The following NFX1 variants were observed in gnomAD, a reference collection of about 807,000 sequenced individuals.
NFX1 encodes transcriptional repressor NF-X1.
In NFX1, 69 loss-of-function variants were observed where a neutral mutation model predicts 137.2. The ratio of observed to expected loss-of-function variants is 0.50; its 90% confidence interval spans 0.41 to 0.61. The LOEUF is 0.61. Among genes scored for constraint, NFX1 ranks in the 20% least tolerant of loss-of-function variants. NFX1 has a pLI of 0.00. For synonymous variants in NFX1, 495 were observed against 474.1 expected (o/e 1.04, Z -0.57); for missense variants, 1,167 against 1,391.0 (o/e 0.84, Z 2.56).
At position 33,346,182 on chromosome 9, in the gene NFX1, T is replaced by TAG. The variant is rs758438685; in HGVS notation, c.2345-855_2345-854insGA. Among the ~76,000 whole-genome samples, 155 of 152,306 alleles carry TAG rather than the reference T, an allele frequency of 1.0e-3. 2 individuals carry two copies. The highest frequency in any genetic ancestry group is 1.7e-3 in the Non-Finnish European group (116 of 68,024). ...CTGTGGCATTCATACCAGCATGAAG[T>TAG]ACATGCCCAGGCCAGTCCCCACCGA... On this transcript the variant is annotated intron_variant, in intron 14 of 23. Coordinates refer to ENST00000379540, the MANE Select transcript of NFX1 (RefSeq NM_002504.6).
At chr9:33,367,436 A>G in intron 22 of NFX1, 79 bp from the exon 23 acceptor site, 1 of 1,459,456 alleles carries the variant, frequency 6.9e-7, no homozygotes. Context: ...GCCAAAATCA[A>G]GGGCTGAGTT....
In NFX1 at chr9:33,338,607, G is replaced by T. The variant is rs200393697; in HGVS notation, c.2115+18G>T. ...GCTGTGTGGTAAGTGGACTTATTAG[G>T]CATAATCAGATTCCATTCATCCAGG... On this transcript the variant is annotated intron_variant, in intron 12 of 23. Coordinates refer to ENST00000379540, the MANE Select transcript of NFX1 (RefSeq NM_002504.6). The T allele has an allele frequency of 4.9e-5, 77 of 1,566,880 alleles. 1 individual carries two copies. The Middle Eastern group carries it at 4.3e-3, about 88-fold the overall frequency.
intron 9 of NFX1, among the ~76,000 whole-genome samples, chr9:33,324,865 G>T (rs982694428): frequency 1.3e-4 from 19 of 151,144 alleles, no homozygotes; most frequent in Non-Finnish European, 2.7e-4. Flanking sequence ...GGAGGCGGAG[G>T]TTGCAGTGAG....
intron 23 of NFX1, among the ~76,000 whole-genome samples, chr9:33,369,059 CTTTTTTCT>C (rs1420313405): frequency 6.6e-6 from 1 of 151,984 alleles, no homozygotes; most frequent in Non-Finnish European, 1.5e-5. Flanking sequence ...CCCATGCTAT[CTTTTTTCT>C]TTTTTTCTTT....
chr9:33,354,861 G>T lies in NFX1; in HGVS notation c.2842G>T (p.Asp948Tyr). 6.2e-7 allele frequency: 1 copy of T among 1,613,944 alleles called. No homozygotes were observed. The highest frequency in any genetic ancestry group is 8.5e-7 in the Non-Finnish European group (1 of 1,179,940). ...CATTTGCTTATCAAGGCTGGAGTGT[G>T]ATGAGGAGTGTTCAGCCTTGGAAAG... ...KEVHQARLEC[D>Y]EECSALERKK... is the part of the protein sequence containing the mutation. Residue 948 changes from aspartate to tyrosine, a missense_variant, in exon 19 of 24, where the codon GAT (aspartate) becomes TAT (tyrosine). Coordinates refer to ENST00000379540, the MANE Select transcript of NFX1 (RefSeq NM_002504.6).
chr9:33,292,635 G>A (rs375688180), intron 1 of NFX1, among the ~76,000 whole-genome samples: 15 of 152,270 alleles, frequency 9.9e-5, no homozygotes, highest in African/African-American at 3.4e-4. Context: ...CCTTCCTCAT[G>A]TCTCTTATGG....
chr9:33,366,149 G>GA (rs1490901985), intron 21 of NFX1: 1 of 154,546 alleles, frequency 6.5e-6, no homozygotes, highest in Non-Finnish European at 1.4e-5. Context: ...ACATGAAGGA[G>GA]AAAATGGAAT....
chr9:33,332,632 T>C, intron 11 of NFX1, 130 bp downstream of exon 11: 1 of 608,656 alleles, frequency 1.6e-6, no homozygotes, highest in Non-Finnish European at 2.9e-6. Flanking sequence ...GGTATAACTT[T>C]CACCTCAAAA....
intron 19 of NFX1, among the ~76,000 whole-genome samples, chr9:33,356,868 G>C (rs989756180): frequency 7.9e-5 from 12 of 151,900 alleles, no homozygotes; most frequent in Non-Finnish European, 1.0e-4. Flanking sequence ...GTGCACACCT[G>C]TAGTCCCAGC....
At chr9:33,334,296 G>C (rs973262806) in intron 11 of NFX1, among the ~76,000 whole-genome samples, 1 of 152,040 alleles carries the variant, frequency 6.6e-6, no homozygotes, top group Non-Finnish European at 1.5e-5. Flanking sequence ...CTTTGCAAAA[G>C]AATTTTTAAA....
At chr9:33,369,315 G>A (rs1238668016) in intron 23 of NFX1, among the ~76,000 whole-genome samples, 1 of 152,042 alleles carries the variant, frequency 6.6e-6, no homozygotes, top group East Asian at 1.9e-4. Flanking sequence ...CGTCCGCCTT[G>A]GCCTCCCAAA....
chr9:33,331,620 G>T (rs1822808695), intron 10 of NFX1, among the ~76,000 whole-genome samples: 1 of 150,838 alleles, frequency 6.6e-6, no homozygotes. Flanking sequence ...TTTTTTATCT[G>T]AAATGTATAT....
intron 2 of NFX1, among the ~76,000 whole-genome samples, chr9:33,299,609 G>C (rs918013660): frequency 1.3e-5 from 2 of 152,122 alleles, no homozygotes; most frequent in East Asian, 3.9e-4. Flanking sequence ...GATCGCTTGG[G>C]CCCAGGAGTT....
chr9:33,295,212 G>A lies in NFX1; in HGVS notation c.818G>A (p.Gly273Glu). Residue 273 changes from glycine (G) to glutamate (E), a missense_variant, in exon 2 of 24, where the codon GGA becomes GAA. Gly to Glu is a moderately conservative substitution (Grantham distance 98). This residue lies in a region of NFX1 where 367 missense variants were observed against 386.7 expected (regional missense o/e 0.95). Coordinates refer to ENST00000379540, the MANE Select transcript of NFX1 (RefSeq NM_002504.6). ...GAGGGCCACCGACATACAAACGCAG[G>A]ACACAGAAACAACATGGGCCCCATT... ...KQEGHRHTNA[G>E]HRNNMGPIPK... The A allele has an allele frequency of 1.2e-6, 2 of 1,614,102 alleles. No individual in the cohort carries two copies. The highest frequency in any genetic ancestry group is 1.7e-6 in the Non-Finnish European group (2 of 1,180,026).
intron 5 of NFX1, among the ~76,000 whole-genome samples, chr9:33,310,223 A>G (rs544555881): frequency 7.0e-4 from 106 of 152,284 alleles, no homozygotes; most frequent in African/African-American, 2.4e-3. Flanking sequence ...TTTACAGCAA[A>G]TTCTGTTACC....
intron 7 of NFX1, among the ~76,000 whole-genome samples, chr9:33,316,107 T>G (rs1363803998): frequency 6.6e-6 from 1 of 152,200 alleles, no homozygotes; most frequent in Non-Finnish European, 1.5e-5. Context: ...CATCACCTAT[T>G]GTGAATCCTG....
chr9:33,325,429 C>T (rs1244640601), intron 9 of NFX1, among the ~76,000 whole-genome samples: 2 of 151,990 alleles, frequency 1.3e-5, no homozygotes, highest in African/African-American at 4.8e-5. Context: ...TTTGAGAGGC[C>T]GAGGCGGGTG....
At chr9:33,300,773 A>C (rs553211521) in intron 2 of NFX1, among the ~76,000 whole-genome samples, 1 of 152,354 alleles carries the variant, frequency 6.6e-6, no homozygotes, top group East Asian at 1.9e-4. Context: ...GTGAATGACT[A>C]AAGACTTTGA....
At chr9:33,329,707 G>A (rs185511810) in intron 10 of NFX1, among the ~76,000 whole-genome samples, 66 of 151,606 alleles carry the variant, frequency 4.4e-4, no homozygotes, top group African/African-American at 1.4e-3. Flanking sequence ...CACCCAGGAT[G>A]GAGTGCAGAG....
Sources: gnomAD v4.1 joint callset for allele counts (sites outside exome capture counted in the v4.1 genomes callset) on GRCh38, gnomAD v4.1.1 for gene constraint, gnomAD v4.1.1 regional missense constraint, MANE v1.5 for transcripts, NCBI Gene and HGNC (gene_info 2026-07-23, HGNC 2026-07-21) for gene names.